ELP4: variants seen among roughly 807,000 people sequenced by gnomAD.
ELP4 encodes the protein elongator complex protein 4.
Under a neutral mutation model 48.9 loss-of-function variants are expected in ELP4, and 51 were observed. That is an observed-to-expected ratio of 1.04 (90% CI 0.83 to 1.32). The LOEUF is 1.32. Among genes scored for constraint, ELP4 ranks in the 40% most tolerant of loss-of-function variants. The probability of loss-of-function intolerance (pLI) is 0.00; values close to 1 mark genes in which losing one functional copy is unlikely to be tolerated. For missense variants in ELP4, 519 were observed against 514.6 expected, an observed-to-expected ratio of 1.01 and a Z score of -0.08; for synonymous variants, 210 against 189.2, an observed-to-expected ratio of 1.11 and a Z score of -0.90.
chr11:31,526,026 C>A (rs1461795457), intron 2 of ELP4, among the ~76,000 whole-genome samples: 3 of 152,136 alleles, frequency 2.0e-5, no homozygotes, highest in African/African-American at 7.2e-5. Context: ...ATCCTAAAAT[C>A]TTATCCTTAA....
chr11:31,615,766 A>G (rs1944467271), intron 5 of ELP4, among the ~76,000 whole-genome samples: 1 of 151,990 alleles, frequency 6.6e-6, no homozygotes, highest in Non-Finnish European at 1.5e-5. Context: ...TATTGTCCTT[A>G]TTGCTACTCA....
chr11:31,549,910 A>C (rs3112465), intron 3 of ELP4, among the ~76,000 whole-genome samples: 60,442 of 151,906 alleles, frequency 0.4, 16,050 homozygotes, highest in African/African-American at 0.76. Flanking sequence ...ACCACACTTT[A>C]TCACTCATAG....
At chr11:31,553,725 A>ACACACAC (rs1362894921) in intron 3 of ELP4, among the ~76,000 whole-genome samples, 5 of 140,406 alleles carry the variant, frequency 3.6e-5, no homozygotes, top group African/African-American at 8.0e-5. Flanking sequence ...TGCACACACA[A>ACACACAC]ACACACACAC....
intron 5 of ELP4, among the ~76,000 whole-genome samples, chr11:31,609,803 A>G (rs1382353590): frequency 2.0e-5 from 3 of 152,126 alleles, no homozygotes; most frequent in African/African-American, 7.2e-5. Context: ...AGGTCGCGGC[A>G]GGAGGATCAA....
chr11:31,618,798 T>C (rs1341641027), intron 5 of ELP4, among the ~76,000 whole-genome samples: 2 of 152,126 alleles, frequency 1.3e-5, no homozygotes, highest in Non-Finnish European at 2.9e-5. Flanking sequence ...TCTAAAATTA[T>C]GGTAATACTT....
Position 31,619,922 on chromosome 11 carries a change from A to G in ELP4, c.654-7188A>G, listed in dbSNP as rs557433709. On this transcript the variant is annotated intron_variant, in intron 5 of 9. Coordinates refer to ENST00000640961, the MANE Select transcript of ELP4 (RefSeq NM_019040.5). ...ATACTGTTGCATATTAGAGCTCAAC[A>G]TACAAGTGTTGTGGGGACATGAGCA... Among the ~76,000 whole-genome samples the G allele has an allele frequency of 3.3e-5, 5 of 152,100 alleles. No homozygotes were observed. The East Asian group carries it at 7.7e-4, about 24-fold the overall frequency.
At chr11:31,716,347 A>ATAGTG (rs1462354523) in intron 9 of ELP4, among the ~76,000 whole-genome samples, 1 of 152,150 alleles carries the variant, frequency 6.6e-6, no homozygotes, top group Non-Finnish European at 1.5e-5. Flanking sequence ...GAGTAGCAGT[A>ATAGTG]TAGTGTAGTG....
chr11:31,713,747 G>A (rs1021444639), intron 9 of ELP4, among the ~76,000 whole-genome samples: 1 of 152,054 alleles, frequency 6.6e-6, no homozygotes, highest in Non-Finnish European at 1.5e-5. Flanking sequence ...CAAGTTAGTT[G>A]TATTTATTTT....
intron 7 of ELP4, among the ~76,000 whole-genome samples, chr11:31,639,353 T>C (rs1278353231): frequency 2.0e-5 from 3 of 151,942 alleles, no homozygotes; most frequent in Non-Finnish European, 2.9e-5. Flanking sequence ...TGACTTTGTG[T>C]CAGTATAGTA....
intron 3 of ELP4, among the ~76,000 whole-genome samples, chr11:31,572,838 A>C (rs970986809): frequency 3.3e-5 from 5 of 151,998 alleles, no homozygotes; most frequent in African/African-American, 1.2e-4. Flanking sequence ...CCATCTCTAC[A>C]AAAAAATAGG....
At chr11:31,714,237 C>G (rs1454877818) in intron 9 of ELP4, among the ~76,000 whole-genome samples, 2 of 152,136 alleles carry the variant, frequency 1.3e-5, no homozygotes, top group Admixed American at 6.5e-5. Context: ...AAAATACCTT[C>G]TTTTTGTCCA....
At chr11:31,719,438 T>C (rs1477966116) in intron 9 of ELP4, 2 of 397,938 alleles carry the variant, frequency 5.0e-6, no homozygotes, top group Non-Finnish European at 8.9e-6. Context: ...ATTATGTTTT[T>C]ATAATTCTAA....
In ELP4 at chr11:31,604,827, AG is replaced by A. The variant is rs1359856622; in HGVS notation, c.653+921del. 3.3e-5 allele frequency among the ~76,000 whole-genome samples: 5 copies of A among 152,080 alleles called. No individual in the cohort carries two copies. The East Asian group carries it at 9.6e-4, about 29-fold the overall frequency. On this transcript the variant is annotated intron_variant, in intron 5 of 9. Coordinates refer to ENST00000640961, the MANE Select transcript of ELP4 (RefSeq NM_019040.5). ...TTATGGAGTTCTCCAATCTATGGAT[AG>A]AGACTTAGCAAAAGCGGTGCTTTGA...
intron 9 of ELP4, among the ~76,000 whole-genome samples, chr11:31,680,009 G>A (rs1201996277): frequency 1.3e-5 from 2 of 152,092 alleles, no homozygotes; most frequent in Non-Finnish European, 2.9e-5. Context: ...TTTTGGTATT[G>A]GTCCCTGTGG....
intron 9 of ELP4, among the ~76,000 whole-genome samples, chr11:31,722,778 G>A (rs1946996728): frequency 6.7e-6 from 1 of 149,598 alleles, no homozygotes; most frequent in Non-Finnish European, 1.5e-5. Context: ...TGCTAATTAA[G>A]GTCATGCTCC....
At chr11:31,533,368 C>CTTTTTTTTTTTTTTT (rs71060492) in intron 2 of ELP4, among the ~76,000 whole-genome samples, 716 of 50,478 alleles carry the variant, frequency 0.014, 157 homozygotes, top group African/African-American at 0.031. Flanking sequence ...CCATCTCATT[C>CTTTTTTTTTTTTTTT]TTTTTTTTTT....
intron 3 of ELP4, among the ~76,000 whole-genome samples, chr11:31,588,192 A>G (rs76569878): frequency 0.026 from 4,028 of 152,114 alleles, 168 homozygotes; most frequent in African/African-American, 0.092. Context: ...ATTCTTTTTA[A>G]TAATATGTTT....
chr11:31,578,783 T>C (rs1021761141), intron 3 of ELP4, among the ~76,000 whole-genome samples: 12 of 152,162 alleles, frequency 7.9e-5, no homozygotes, highest in Non-Finnish European at 1.6e-4. Context: ...TATACAAAAA[T>C]TAATTCAAGA....
intron 4 of ELP4, among the ~76,000 whole-genome samples, chr11:31,603,277 T>C (rs1436665015): frequency 2.6e-5 from 4 of 151,996 alleles, no homozygotes; most frequent in East Asian, 1.9e-4. Context: ...TATATTGTCT[T>C]ATGTGAGAAT....
Sources: allele counts gnomAD v4.1 joint callset (sites outside exome capture counted in the v4.1 genomes callset), GRCh38; gene constraint gnomAD v4.1.1; transcripts MANE v1.5; gene names NCBI Gene and HGNC (gene_info 2026-07-23, HGNC 2026-07-21).